The following GPC6 variants were observed in gnomAD, a reference collection of about 807,000 sequenced individuals.
GPC6 encodes glypican 6, also known as glypican-6.
GPC6 carries 14 observed loss-of-function variants against 55.2 expected under a neutral mutation model. The ratio of observed to expected loss-of-function variants is 0.25; its 90% CI spans 0.17 to 0.40. The LOEUF is 0.40. Among genes scored for constraint, GPC6 ranks in the 10% least tolerant of loss-of-function variants. The pLI is 1.00. For missense variants in GPC6, 641 were observed against 708.5 expected (o/e 0.90, Z 1.08); for synonymous variants, 278 against 259.6 (o/e 1.07, Z -0.68).
intron 2 of GPC6, among the ~76,000 whole-genome samples, chr13:93,796,180 A>G (rs1204754781): frequency 6.6e-6 from 1 of 151,906 alleles, no homozygotes; most frequent in Non-Finnish European, 1.5e-5. Flanking sequence ...TGGGTGACAC[A>G]GTGAGACCCT....
At chr13:94,169,583 CA>C (rs1888488627) in intron 4 of GPC6, among the ~76,000 whole-genome samples, 1 of 152,066 alleles carries the variant, frequency 6.6e-6, no homozygotes, top group Non-Finnish European at 1.5e-5. Flanking sequence ...CAGAAATAAA[CA>C]GATGCAAAGA....
chr13:93,590,086 A>G (rs1033397025), intron 2 of GPC6, among the ~76,000 whole-genome samples: 3 of 152,190 alleles, frequency 2.0e-5, no homozygotes, highest in Non-Finnish European at 4.4e-5. Flanking sequence ...TGGAGAAAGT[A>G]TATTGTGTTG....
intron 1 of GPC6, among the ~76,000 whole-genome samples, chr13:93,528,453 T>C (rs7320003): frequency 0.058 from 8,817 of 152,186 alleles, 838 homozygotes; most frequent in African/African-American, 0.2. Flanking sequence ...AGCTGAGTTG[T>C]AGAAGGTCAC....
At chr13:93,609,601 C>T (rs1878383257) in intron 2 of GPC6, among the ~76,000 whole-genome samples, 1 of 152,140 alleles carries the variant, frequency 6.6e-6, no homozygotes, top group African/African-American at 2.4e-5. Flanking sequence ...GAAAACCCTC[C>T]CCACTGTTTT....
intron 1 of GPC6, among the ~76,000 whole-genome samples, chr13:93,314,365 A>G (rs1879171068): frequency 6.6e-6 from 1 of 152,162 alleles, no homozygotes; most frequent in South Asian, 2.1e-4. Flanking sequence ...ACCCTCTTAC[A>G]GTGAAAGACG....
intron 1 of GPC6, among the ~76,000 whole-genome samples, chr13:93,366,242 T>A (rs1021638057): frequency 2.0e-5 from 3 of 152,098 alleles, no homozygotes; most frequent in Non-Finnish European, 4.4e-5. Flanking sequence ...AAACTTTACA[T>A]AAATTGAGAA....
At chr13:93,301,275 T>C (rs1878671876) in intron 1 of GPC6, among the ~76,000 whole-genome samples, 2 of 152,190 alleles carry the variant, frequency 1.3e-5, no homozygotes, top group South Asian at 4.1e-4. Flanking sequence ...AATCACAGAT[T>C]GATGGCTCAT....
intron 2 of GPC6, among the ~76,000 whole-genome samples, chr13:93,828,736 AAGG>A (rs1456845563): frequency 2.6e-5 from 4 of 152,146 alleles, no homozygotes; most frequent in African/African-American, 9.7e-5. Flanking sequence ...ATTTCATAGA[AAGG>A]AGGTAAACAA....
intron 4 of GPC6, among the ~76,000 whole-genome samples, chr13:94,161,973 C>T (rs185137428): frequency 1.2e-4 from 18 of 152,154 alleles, no homozygotes; most frequent in African/African-American, 3.4e-4. Flanking sequence ...CTCATAAAAC[C>T]GTCAGATCTC....
chr13:93,664,692 A>T (rs1881061615), intron 2 of GPC6, among the ~76,000 whole-genome samples: 1 of 152,054 alleles, frequency 6.6e-6, no homozygotes, highest in Non-Finnish European at 1.5e-5. Flanking sequence ...ATCTCGGCTC[A>T]CTGCAACCTG....
intron 4 of GPC6, among the ~76,000 whole-genome samples, chr13:94,282,329 C>T (rs1404533518): frequency 2.0e-5 from 3 of 152,178 alleles, no homozygotes; most frequent in South Asian, 2.1e-4. Flanking sequence ...CACATGGCAA[C>T]GTAAGGAGAA....
At chr13:93,766,485 TAA>T (rs936507829) in intron 2 of GPC6, among the ~76,000 whole-genome samples, 2 of 152,062 alleles carry the variant, frequency 1.3e-5, no homozygotes, top group Non-Finnish European at 2.9e-5. Flanking sequence ...GATAATATGT[TAA>T]GTGTTCTTAC....
chr13:94,053,005 C>A (rs762790197), intron 4 of GPC6, among the ~76,000 whole-genome samples: 2 of 152,114 alleles, frequency 1.3e-5, no homozygotes, highest in African/African-American at 4.8e-5. Context: ...CATCACCTCC[C>A]GTTTTCTCAA....
chr13:94,193,189 G>A (rs1412476291), intron 4 of GPC6, among the ~76,000 whole-genome samples: 1 of 151,954 alleles, frequency 6.6e-6, no homozygotes, highest in Non-Finnish European at 1.5e-5. Context: ...TAATTTGAAA[G>A]GTTAGCAGAT....
At chr13:94,254,013 G>A (rs1055569935) in intron 4 of GPC6, among the ~76,000 whole-genome samples, 2 of 152,100 alleles carry the variant, frequency 1.3e-5, no homozygotes, top group African/African-American at 4.8e-5. Flanking sequence ...AGCACCATGA[G>A]CCATGAGTGC....
rs1201389416 is a variant in GPC6, at chr13:93,676,124, AAAATATATATATATATATATATAT to A, written c.319+130705_319+130728del. Among the ~76,000 whole-genome samples, 78 of 9,778 alleles carry A rather than the reference AAAATATATATATATATATATATAT, an allele frequency of 8.0e-3. 2 individuals carry two copies. Among genetic ancestry groups the A allele is most frequent in the Middle Eastern group, 0.5 (1 of 2 alleles). 6.4% of individuals were successfully genotyped at this position (9,778 alleles called of 152,430 possible). ...TTTCTACTAAAAAAAAAAAAAAAAA[AAAATATATATATATATATATATAT>A]ATATATATATATATATATATACATA... On this transcript the variant is annotated intron_variant, in intron 2 of 8. Transcript: ENST00000377047.
chr13:94,194,965 A>G (rs1435816652), intron 4 of GPC6, among the ~76,000 whole-genome samples: 2 of 152,118 alleles, frequency 1.3e-5, no homozygotes, highest in Non-Finnish European at 2.9e-5. Flanking sequence ...CACATAACCA[A>G]GGGCAAATCT....
At chr13:94,043,690 G>A (rs540889797) in intron 4 of GPC6, among the ~76,000 whole-genome samples, 7 of 151,688 alleles carry the variant, frequency 4.6e-5, no homozygotes, top group Non-Finnish European at 8.9e-5. Flanking sequence ...TGAGAAATCC[G>A]GTTTTCTTTA....
intron 2 of GPC6, among the ~76,000 whole-genome samples, chr13:93,591,154 C>CAAAAAAAAA (rs759879838): frequency 7.5e-5 from 5 of 67,068 alleles, no homozygotes; most frequent in African/African-American, 1.6e-4. Flanking sequence ...TCTAATAAAG[C>CAAAAAAAAA]AAAAGAAAAA....
Sources: allele counts gnomAD v4.1 joint callset (sites outside exome capture counted in the v4.1 genomes callset), GRCh38; gene constraint gnomAD v4.1.1; transcripts MANE v1.5; gene names NCBI Gene and HGNC (gene_info 2026-07-23, HGNC 2026-07-21).